Variants in ITGA9 observed in about 807,000 individuals in gnomAD.
ITGA9 encodes integrin alpha-9.
Under a neutral mutation model 127.8 loss-of-function variants are expected in ITGA9, and 56 were observed. That is an observed-to-expected ratio of 0.44 (90% CI 0.35 to 0.55). The LOEUF is 0.55. Among genes scored for constraint, ITGA9 ranks in the 20% least tolerant of loss-of-function variants. The pLI is 0.00. For missense variants in ITGA9, 1,196 were observed against 1,347.1 expected (o/e 0.89, Z 1.76); for synonymous variants, 508 against 514.5 (o/e 0.99, Z 0.17).
In ITGA9 at chr3:37,583,369, G is replaced by A. The variant is rs547632773; in HGVS notation, c.1689+40784G>A. ...TAGAAAACATATGCATGTGCATGAT[G>A]AGCACCCTGTAAGCATTAGCTATTA... On this transcript the variant is annotated intron_variant, in intron 15 of 27. Transcript: ENST00000264741. Among the ~76,000 whole-genome samples, 4 of 152,262 alleles carry A rather than the reference G, an allele frequency of 2.6e-5. No homozygotes were observed. The East Asian group carries it at 7.7e-4, about 29-fold the overall frequency.
In ITGA9 at chr3:37,631,197, C is replaced by A. The variant is rs914256365; in HGVS notation, c.1839+1861C>A. On this transcript the variant is annotated intron_variant, in intron 16 of 27. Coordinates refer to ENST00000264741, the MANE Select transcript of ITGA9 (RefSeq NM_002207.3). ...GGGTCCTGGGAAGAATTTCAGGGTC[C>A]TCTGTGCTTATTTGTTTCTGAATTG... 2.6e-5 allele frequency among the ~76,000 whole-genome samples: 4 copies of A among 152,292 alleles called. No individual in the cohort carries two copies. The South Asian group carries it at 6.2e-4, about 24-fold the overall frequency.
At chr3:37,540,963 G>T (rs754478888) in intron 14 of ITGA9, among the ~76,000 whole-genome samples, 2 of 152,222 alleles carry the variant, frequency 1.3e-5, no homozygotes, top group African/African-American at 4.8e-5. Context: ...CTAGGAATTT[G>T]CCAGCTCGGC....
At chr3:37,455,253 A>T (rs562483410) in intron 1 of ITGA9, among the ~76,000 whole-genome samples, 1 of 152,290 alleles carries the variant, frequency 6.6e-6, no homozygotes, top group Non-Finnish European at 1.5e-5. Flanking sequence ...ATTTTCAATT[A>T]TTCGTGATTG....
chr3:37,804,056 C>A, intron 27 of ITGA9, 114 bp downstream of exon 27: 1 of 1,436,098 alleles, frequency 7.0e-7, no homozygotes, highest in Non-Finnish European at 9.7e-7. Context: ...GGCACCGGTA[C>A]AGTGAAGGAC....
At chr3:37,564,496 T>G (rs895263325) in intron 15 of ITGA9, among the ~76,000 whole-genome samples, 1 of 152,214 alleles carries the variant, frequency 6.6e-6, no homozygotes, top group Admixed American at 6.5e-5. Flanking sequence ...AAAGCCCATA[T>G]CTCATGCTAA....
At chr3:37,608,973 A>G (rs1181462589) in intron 15 of ITGA9, among the ~76,000 whole-genome samples, 3 of 152,180 alleles carry the variant, frequency 2.0e-5, no homozygotes, top group Non-Finnish European at 4.4e-5. Flanking sequence ...CCTCTGTGTC[A>G]TGCTGCAGTA....
intron 23 of ITGA9, among the ~76,000 whole-genome samples, chr3:37,752,673 C>T (rs1559588154): frequency 2.0e-5 from 3 of 152,218 alleles, no homozygotes; most frequent in South Asian, 2.1e-4. Flanking sequence ...TACGGACCCA[C>T]GTGTGGCACA....
At chr3:37,744,092 T>C in intron 22 of ITGA9, 58 bp downstream of exon 22, 1 of 1,132,608 alleles carries the variant, frequency 8.8e-7, no homozygotes, top group East Asian at 2.3e-5. Flanking sequence ...GCACATGGGA[T>C]GTCTCTCCTA....
chr3:37,733,194 T>G (rs1696318302), intron 19 of ITGA9, among the ~76,000 whole-genome samples: 1 of 152,202 alleles, frequency 6.6e-6, no homozygotes, highest in Non-Finnish European at 1.5e-5. Context: ...GTCATTCCCT[T>G]GGGTGCTCAC....
intron 15 of ITGA9, among the ~76,000 whole-genome samples, chr3:37,565,640 A>G (rs1050619538): frequency 5.9e-5 from 9 of 152,210 alleles, no homozygotes; most frequent in African/African-American, 2.2e-4. Flanking sequence ...AATAATGAAA[A>G]TGTACTTAAT....
At chr3:37,695,624 G>A (rs1025179690) in intron 18 of ITGA9, among the ~76,000 whole-genome samples, 1 of 152,202 alleles carries the variant, frequency 6.6e-6, no homozygotes. Flanking sequence ...CTTACAGACA[G>A]TCTGGGCTTC....
chr3:37,740,645 C>A (rs1483262857), intron 20 of ITGA9, among the ~76,000 whole-genome samples: 2 of 152,132 alleles, frequency 1.3e-5, no homozygotes, highest in Non-Finnish European at 2.9e-5. Context: ...TTGCTCCTTA[C>A]CTGTCAAAGG....
Position 37,629,298 on chromosome 3 carries a change from C to T in ITGA9, c.1801C>T (p.Arg601Cys), listed in dbSNP as rs147773336. ...ACTGCCGCCTCTGACACCAGTTCTC[C>T]GCTGGAAAAAGGGACAAAAGATTGC... ...RELPPLTPVLRWKKGQKIAQK... is the reference protein window; with the variant it reads ...RELPPLTPVLCWKKGQKIAQK... The change falls in exon 16 of 28, where the codon CGC (arginine) becomes TGC (cysteine). Residue 601 changes from arginine to cysteine, a missense_variant. Physicochemically the swap from Arg to Cys is radical, Grantham distance 180. Coordinates refer to ENST00000264741, the MANE Select transcript of ITGA9 (RefSeq NM_002207.3). This position sits in a 1 kb window ranked among gnomAD's most constrained non-coding sequence, Gnocchi z 4.5. 165 of 1,614,068 alleles carry T rather than the reference C, an allele frequency of 1.0e-4. 1 individual carries two copies. The East Asian group carries it at 2.8e-3, about 28-fold the overall frequency.
At chr3:37,699,546 A>G (rs1051833384) in intron 18 of ITGA9, among the ~76,000 whole-genome samples, 2 of 152,176 alleles carry the variant, frequency 1.3e-5, no homozygotes, top group African/African-American at 2.4e-5. Context: ...CTTTTGCCTC[A>G]TTATTGATTG....
At chr3:37,731,259 C>A (rs1245524566) in intron 18 of ITGA9, among the ~76,000 whole-genome samples, 1 of 152,036 alleles carries the variant, frequency 6.6e-6, no homozygotes, top group Non-Finnish European at 1.5e-5. Context: ...GCACTCTCGC[C>A]CAGGCTGGAG....
intron 1 of ITGA9, among the ~76,000 whole-genome samples, chr3:37,456,468 A>G (rs1298562167): frequency 6.6e-6 from 1 of 152,190 alleles, no homozygotes; most frequent in Non-Finnish European, 1.5e-5. Flanking sequence ...ACCCTGTGAT[A>G]TAAATAAATG....
rs752008182 is a variant in ITGA9, at chr3:37,517,599, T to C, written c.1131T>C (p.Asp377=). The change falls in exon 10 of 28, where the codon GAT becomes GAC. Residue 377 remains aspartate (D), a synonymous_variant. Coordinates refer to ENST00000264741, the MANE Select transcript of ITGA9 (RefSeq NM_002207.3). ...CCAGCCTGGACGATCTGGACAATGA[T>C]GGGTTCCCAGGTGAGTGAGTGCTCC... ...SIASLDDLDN[D]GFPDVAIGAP... The C allele has an allele frequency of 3.2e-6, 5 of 1,580,628 alleles. No individual in the cohort carries two copies. The East Asian group carries it at 9.2e-5, about 29-fold the overall frequency.
intron 7 of ITGA9, among the ~76,000 whole-genome samples, chr3:37,507,076 G>A (rs754921826): frequency 3.3e-5 from 5 of 152,178 alleles, no homozygotes; most frequent in Non-Finnish European, 7.4e-5. Context: ...TGCTGCTCAC[G>A]TTTCTGGAGC....
chr3:37,536,072 C>T (rs1699204443), intron 14 of ITGA9, among the ~76,000 whole-genome samples: 1 of 152,216 alleles, frequency 6.6e-6, no homozygotes, highest in South Asian at 2.1e-4. Context: ...CCTCTTGGCT[C>T]TGCACAGTTT....
Sources: gnomAD v4.1 joint callset for allele counts (sites outside exome capture counted in the v4.1 genomes callset) on GRCh38, gnomAD v4.1.1 for gene constraint, Gnocchi (gnomAD v3.1) non-coding constraint, MANE v1.5 for transcripts, NCBI Gene and HGNC (gene_info 2026-07-23, HGNC 2026-07-21) for gene names.